The following STK3 variants were observed in gnomAD, a reference collection of about 807,000 sequenced individuals.
STK3 encodes the protein serine/threonine-protein kinase 3.
A neutral mutation model predicts 58.0 loss-of-function variants in STK3; 41 were observed. The ratio of observed to expected loss-of-function variants is 0.71; its 90% CI spans 0.55 to 0.92. STK3 has a LOEUF of 0.92. Among genes scored for constraint, STK3 ranks in the 40% least tolerant of loss-of-function variants. The pLI is 0.00. For synonymous variants in STK3, 170 were observed against 191.0 expected (o/e 0.89, Z 0.91); for missense variants, 479 against 602.7 (o/e 0.79, Z 2.15).
At chr8:98,498,565 A>C (rs1360522131) in intron 10 of STK3, among the ~76,000 whole-genome samples, 1 of 152,142 alleles carries the variant, frequency 6.6e-6, no homozygotes, top group Non-Finnish European at 1.5e-5. Context: ...AAAAAGGAGG[A>C]TCTTTTGCAA....
Position 98,710,333 on chromosome 8 carries a change from C to T in STK3, c.352-3022G>A, listed in dbSNP as rs940613392. On this transcript the variant is annotated intron_variant, in intron 4 of 10. Transcript: ENST00000419617. ...ACAGTGCACTGAGCATGAGCTGAAG[C>T]AGGGCGGGGCATCACCTCACCTGGG... Among the ~76,000 whole-genome samples, 3 of 152,276 alleles carry T rather than the reference C, an allele frequency of 2.0e-5. No homozygotes were observed. The East Asian group carries it at 5.8e-4, about 29-fold the overall frequency.
intron 4 of STK3, among the ~76,000 whole-genome samples, chr8:98,721,503 T>TA (rs962789581): frequency 6.6e-5 from 10 of 151,550 alleles, no homozygotes; most frequent in East Asian, 1.9e-4. Flanking sequence ...GCCTCGTCTC[T>TA]AAAAAAAACT....
At chr8:98,675,386 C>T (rs1048376597) in intron 6 of STK3, among the ~76,000 whole-genome samples, 9 of 152,144 alleles carry the variant, frequency 5.9e-5, no homozygotes, top group Non-Finnish European at 1.3e-4. Flanking sequence ...TCTTGCACGT[C>T]ATGAGTTCCA....
chr8:98,398,907 C>G (rs560936514), downstream of STK3, among the ~76,000 whole-genome samples: 1 of 152,174 alleles, frequency 6.6e-6, no homozygotes, highest in African/African-American at 2.4e-5. Flanking sequence ...CAACAGGTAA[C>G]AAAATATTTT....
intron 10 of STK3, among the ~76,000 whole-genome samples, chr8:98,505,817 C>T (rs1295036403): frequency 6.6e-6 from 1 of 152,184 alleles, no homozygotes; most frequent in Non-Finnish European, 1.5e-5. Context: ...TTGGCCCCTA[C>T]TGGGAGGTGT....
At chr8:98,444,478 G>A (rs1213830880) in intron 1 of STK3, among the ~76,000 whole-genome samples, 2 of 152,218 alleles carry the variant, frequency 1.3e-5, no homozygotes, top group African/African-American at 2.4e-5. Context: ...TTAAGGGGCT[G>A]CTGTGATATT....
intron 6 of STK3, among the ~76,000 whole-genome samples, chr8:98,603,538 A>G (rs534385291): frequency 6.6e-6 from 1 of 152,282 alleles, no homozygotes; most frequent in Admixed American, 6.5e-5. Context: ...CACCTGGCCT[A>G]TGACAATATT....
At chr8:98,651,151 G>A (rs1820885469) in intron 6 of STK3, among the ~76,000 whole-genome samples, 1 of 152,198 alleles carries the variant, frequency 6.6e-6, no homozygotes, top group African/African-American at 2.4e-5. Context: ...AAAACTTCCA[G>A]AGGAACGATC....
chr8:98,686,496 AAG>A (rs1465124508), intron 6 of STK3, among the ~76,000 whole-genome samples: 1 of 152,218 alleles, frequency 6.6e-6, no homozygotes, highest in Non-Finnish European at 1.5e-5. Flanking sequence ...AGAAAATTTC[AAG>A]AGTGTCATTC....
At chr8:98,922,148 GA>G (rs1358633307) in intron 1 of STK3, among the ~76,000 whole-genome samples, 2 of 152,024 alleles carry the variant, frequency 1.3e-5, no homozygotes, top group Admixed American at 6.5e-5. Flanking sequence ...ATTAAAAAAA[GA>G]AAAAAACTCA....
At chr8:98,595,910 G>T in intron 7 of STK3, 122 bp downstream of exon 7, 1 of 1,099,168 alleles carries the variant, frequency 9.1e-7, no homozygotes, top group Non-Finnish European at 1.3e-6. Context: ...GGAGCAAACA[G>T]GAGGGGAGGG....
intron 2 of STK3, among the ~76,000 whole-genome samples, chr8:98,372,419 C>T (rs746607372): frequency 2.6e-5 from 4 of 152,308 alleles, no homozygotes; most frequent in South Asian, 2.1e-4. Context: ...CACAGCTCCC[C>T]GGCCCCTCCA....
At chr8:98,884,096 G>C (rs1272307868) in intron 1 of STK3, among the ~76,000 whole-genome samples, 1 of 152,068 alleles carries the variant, frequency 6.6e-6, no homozygotes, top group Non-Finnish European at 1.5e-5. Flanking sequence ...AAGGAATGAC[G>C]TCACTGAGCC....
chr8:98,553,365 G>A (rs991084772), intron 8 of STK3: 1 of 151,960 alleles, frequency 6.6e-6, no homozygotes, highest in Non-Finnish European at 1.5e-5. Flanking sequence ...AATCTATAAG[G>A]GCAGTAACCA....
rs1385528778 is a variant in STK3, at chr8:98,825,488, CCTT to C, written c.26+24_26+26del. ...CCGCGGCCGCCGGCGCCGCTTCCCT[CCTT>C]CTTCCCGCTCCCCGATTCGTTACCT... is the stretch of plus-strand genomic sequence containing the variant. On this transcript the variant is annotated intron_variant, in intron 1 of 10. Coordinates refer to ENST00000419617, the MANE Select transcript of STK3 (RefSeq NM_006281.4). 6.2e-6 allele frequency: 9 copies of C among 1,450,994 alleles called. No individual in the cohort carries two copies. The African/African-American group carries it at 9.0e-5, about 14-fold the overall frequency. The allele number at this position is 1,450,994 out of a possible 1,614,324, so 89.9% of individuals were successfully genotyped here.
At chr8:98,531,328 A>T (rs72666629) in intron 9 of STK3, among the ~76,000 whole-genome samples, 1 of 152,218 alleles carries the variant, frequency 6.6e-6, no homozygotes, top group Non-Finnish European at 1.5e-5. Context: ...AACAACATTA[A>T]TTTCCTTGCA....
chr8:98,361,126 C>A, the STK3 span, among the ~76,000 whole-genome samples: 1 of 152,174 alleles, frequency 6.6e-6, no homozygotes, highest in Non-Finnish European at 1.5e-5. Flanking sequence ...TGAGTACCCC[C>A]CTTCCCAACC....
At chr8:98,557,968 G>A (rs2131619523) in intron 8 of STK3, among the ~76,000 whole-genome samples, 1 of 151,952 alleles carries the variant, frequency 6.6e-6, no homozygotes, top group African/African-American at 2.4e-5. Flanking sequence ...GACTGTACAA[G>A]TTTTTGGCAT....
intron 6 of STK3, among the ~76,000 whole-genome samples, chr8:98,688,624 C>T (rs1824180616): frequency 6.6e-6 from 1 of 152,076 alleles, no homozygotes; most frequent in Admixed American, 6.5e-5. Flanking sequence ...GAGGAACTCT[C>T]AAAACCACAT....
Sources: gnomAD v4.1 joint callset for allele counts (sites outside exome capture counted in the v4.1 genomes callset) on GRCh38, gnomAD v4.1.1 for gene constraint, MANE v1.5 for transcripts, NCBI Gene and HGNC (gene_info 2026-07-23, HGNC 2026-07-21) for gene names.